NEMF: variants seen among roughly 807,000 people sequenced by gnomAD.
NEMF encodes the protein ribosome quality control complex subunit NEMF.
A neutral mutation model predicts 162.2 loss-of-function variants in NEMF; 89 were observed. The observed-to-expected ratio is 0.55, with a 90% CI of 0.46 to 0.65. The LOEUF is 0.65. Ranked by LOEUF, NEMF falls within the 30% of genes least tolerant of loss-of-function variation. NEMF has a pLI of 0.00. For missense variants in NEMF, 1,133 were observed against 1,261.9 expected (o/e 0.90, Z 1.55); for synonymous variants, 421 against 404.5 (o/e 1.04, Z -0.49).
At chr14:49,815,760 C>A (rs368974909) in intron 16 of NEMF, among the ~76,000 whole-genome samples, 6 of 151,980 alleles carry the variant, frequency 3.9e-5, no homozygotes, top group Non-Finnish European at 8.8e-5. Flanking sequence ...CTCAGGAGAT[C>A]GAGACCATCC....
chr14:49,789,048 ACTTGT>A, intron 28 of NEMF, 93 bp downstream of exon 28: 1 of 876,254 alleles, frequency 1.1e-6, no homozygotes. Context: ...AGGGTTACTC[ACTTGT>A]CTTGGTTTTA....
Position 49,828,619 on chromosome 14 carries a change from T to C in NEMF, c.1421A>G (p.Lys474Arg). The C allele has an allele frequency of 6.5e-7, 1 of 1,547,688 alleles. No homozygotes were observed. The highest frequency in any genetic ancestry group is 8.6e-7 in the Non-Finnish European group (1 of 1,156,220). ...DLSLSAYANA[K>R]KYYDHKRYAA... ...AATGTAAAGTTAAATGACTTACTTT[T>C]TGGCATTGGCATATGCTGACAAGCT... Residue 474 changes from lysine (K) to arginine (R), a missense_variant, in exon 14 of 33, where the codon AAA (lysine) becomes AGA (arginine). Lys to Arg is a conservative substitution (Grantham distance 26). Transcript: ENST00000298310.
chr14:49,824,071 G>A (rs993514593), intron 16 of NEMF, among the ~76,000 whole-genome samples: 1 of 152,138 alleles, frequency 6.6e-6, no homozygotes, highest in African/African-American at 2.4e-5. Context: ...TCGGGAGGCT[G>A]AGACAGGAGA....
At position 49,784,906 on chromosome 14, in the gene NEMF, T is replaced by C; in HGVS notation, c.3153+19A>G. On this transcript the variant is annotated intron_variant, in intron 32 of 32. Coordinates refer to ENST00000298310, the MANE Select transcript of NEMF (RefSeq NM_004713.6). ...TGTACTGTCAGTCTCCACATTCCTTTTCTGAAGGAGAACTTTACCTTTACG... is the reference window on the plus strand; with the variant it reads ...TGTACTGTCAGTCTCCACATTCCTTCTCTGAAGGAGAACTTTACCTTTACG... The C allele has an allele frequency of 3.7e-6, 6 of 1,603,104 alleles. No individual in the cohort carries two copies. Among genetic ancestry groups the C allele is most frequent in the Non-Finnish European group, 4.3e-6 (5 of 1,171,160 alleles).
In NEMF at chr14:49,782,617, C is replaced by A; in HGVS notation, c.*2019G>T. On this transcript the variant is annotated 3_prime_UTR_variant, in exon 33 of 33. Coordinates refer to ENST00000298310, the MANE Select transcript of NEMF (RefSeq NM_004713.6). Reference sequence around the variant, plus strand: ...ACGGTAAGTAACTTTGTACTTGGCACTTAGATTATTTAAAATTGTGTTTCC... The same window carrying A: ...ACGGTAAGTAACTTTGTACTTGGCAATTAGATTATTTAAAATTGTGTTTCC... 6.4e-7 allele frequency: 1 copy of A among 1,565,916 alleles called. No homozygotes were observed. Among genetic ancestry groups the A allele is most frequent in the Non-Finnish European group, 8.7e-7 (1 of 1,148,312 alleles).
chr14:49,846,759 C>G (rs537349435), intron 3 of NEMF, among the ~76,000 whole-genome samples: 30 of 152,172 alleles, frequency 2.0e-4, no homozygotes, highest in Non-Finnish European at 4.0e-4. Context: ...GCTACTGAGC[C>G]AGGCTTTTAT....
At chr14:49,811,433 TTTC>T (rs1396314766) in intron 18 of NEMF, among the ~76,000 whole-genome samples, 1 of 152,186 alleles carries the variant, frequency 6.6e-6, no homozygotes, top group African/African-American at 2.4e-5. Flanking sequence ...TGGATTTTTT[TTTC>T]TTTTTATTGC....
chr14:49,782,870 G>A lies in NEMF; in HGVS notation c.*1766C>T. The A allele has an allele frequency of 6.2e-7, 1 of 1,613,804 alleles. No individual in the cohort carries two copies. The highest frequency in any genetic ancestry group is 1.1e-5 in the South Asian group (1 of 91,054). ...AGTCATTTGCTTTAAAGAAATGTTA[G>A]CCAACTCATGGAACTGCCTTCCAAA... On this transcript the variant is annotated 3_prime_UTR_variant, in exon 33 of 33. Transcript: ENST00000298310.
At chr14:49,836,896 C>G (rs1179930230) in intron 6 of NEMF, among the ~76,000 whole-genome samples, 10 of 152,120 alleles carry the variant, frequency 6.6e-5, no homozygotes, top group Admixed American at 6.5e-4. Flanking sequence ...TGATTTTATA[C>G]AATATTTTAA....
At chr14:49,785,159 T>C in intron 30 of NEMF, 24 bp from the exon 31 acceptor site, 1 of 1,601,340 alleles carries the variant, frequency 6.2e-7, no homozygotes, top group Non-Finnish European at 8.6e-7. Flanking sequence ...TTACATGTGT[T>C]ACTAAATAGA....
At chr14:49,795,466 A>C (rs553742929) in intron 26 of NEMF, among the ~76,000 whole-genome samples, 1 of 152,328 alleles carries the variant, frequency 6.6e-6, no homozygotes, top group East Asian at 1.9e-4. Flanking sequence ...AACTCTAACC[A>C]AAATCTAAAA....
chr14:49,832,007 T>C (rs1199863244), intron 10 of NEMF, 44 bp downstream of exon 10: 1 of 1,353,980 alleles, frequency 7.4e-7, no homozygotes, highest in Non-Finnish European at 1.0e-6. Context: ...CAACAGCTCA[T>C]ATCATGCTAA....
At chr14:49,804,031 G>A (rs1327112019) in intron 19 of NEMF, among the ~76,000 whole-genome samples, 2 of 147,944 alleles carry the variant, frequency 1.4e-5, no homozygotes, top group Non-Finnish European at 3.0e-5. Context: ...TTGAGACAGA[G>A]TCTCACACTG....
intron 29 of NEMF, 146 bp from the exon 30 acceptor site, chr14:49,785,466 T>A (rs1890127726): frequency 1.6e-6 from 1 of 621,978 alleles, no homozygotes. Flanking sequence ...ACTTAAACTC[T>A]GCTTCATAGT....
chr14:49,805,865 T>C (rs1284737501), intron 19 of NEMF, among the ~76,000 whole-genome samples, 156 bp downstream of exon 19: 2 of 152,132 alleles, frequency 1.3e-5, no homozygotes, highest in Non-Finnish European at 1.5e-5. Context: ...AACACTATTT[T>C]ATGGCACTTA....
At chr14:49,796,096 G>C in intron 25 of NEMF, 152 bp from the exon 26 acceptor site, 1 of 635,740 alleles carries the variant, frequency 1.6e-6, no homozygotes, top group East Asian at 2.8e-5. Context: ...ATACAAAGAT[G>C]CTTAAAATCA....
At chr14:49,831,499 G>A (rs866249941) in intron 10 of NEMF, 138 bp from the exon 11 acceptor site, 16 of 596,056 alleles carry the variant, frequency 2.7e-5, no homozygotes, top group African/African-American at 1.9e-4. Flanking sequence ...CTGCAGTGGC[G>A]CGATCTAGGC....
intron 3 of NEMF, among the ~76,000 whole-genome samples, chr14:49,847,959 G>C (rs1893590418): frequency 6.6e-6 from 1 of 150,784 alleles, no homozygotes; most frequent in Non-Finnish European, 1.5e-5. Flanking sequence ...TTGAACCCAA[G>C]AGGCGGAGGT....
At chr14:49,799,571 T>C in intron 24 of NEMF, 47 bp from the exon 25 acceptor site, 2 of 1,598,488 alleles carry the variant, frequency 1.3e-6, no homozygotes, top group Non-Finnish European at 8.5e-7. Context: ...CTATTAACTT[T>C]TTTGAAAAGT....
Sources: gnomAD v4.1 joint callset for allele counts (sites outside exome capture counted in the v4.1 genomes callset) on GRCh38, gnomAD v4.1.1 for gene constraint, MANE v1.5 for transcripts, NCBI Gene and HGNC (gene_info 2026-07-23, HGNC 2026-07-21) for gene names.